DIAPH2: variants seen among roughly 807,000 people sequenced by gnomAD.
DIAPH2 encodes the protein protein diaphanous homolog 2.
DIAPH2 carries 35 observed loss-of-function variants against 92.7 expected under a neutral mutation model. The ratio of observed to expected loss-of-function variants is 0.38; its 90% CI spans 0.29 to 0.50. The LOEUF is 0.50. Among genes scored for constraint, DIAPH2 ranks in the 20% least tolerant of loss-of-function variants. The pLI, the probability that DIAPH2 is intolerant of heterozygous loss-of-function variation, is 0.94. For synonymous variants in DIAPH2, 301 were observed against 280.4 expected (o/e 1.07, Z -0.73); for missense variants, 701 against 819.5 (o/e 0.86, Z 1.77).
intron 22 of DIAPH2, among the ~76,000 whole-genome samples, chrX:97,165,984 T>G (rs1011858795): frequency 1.8e-5 from 2 of 111,232 alleles, no homozygotes; most frequent in African/African-American, 6.5e-5. Context: ...GTTTCCATAT[T>G]GCTTGGTCCC....
chrX:97,517,873 C>A (rs144442682), intron 26 of DIAPH2, among the ~76,000 whole-genome samples: 11 of 112,221 alleles, frequency 9.8e-5, no homozygotes, highest in Non-Finnish European at 1.9e-4. Flanking sequence ...CAAAGCCAAA[C>A]GCTGAGTTAA....
intron 4 of DIAPH2, among the ~76,000 whole-genome samples, chrX:96,815,232 C>T (rs1055603888): frequency 1.2e-4 from 14 of 112,133 alleles, no homozygotes; most frequent in African/African-American, 4.2e-4. Flanking sequence ...CTACTCAAGC[C>T]TCAGCAATGG....
intron 26 of DIAPH2, among the ~76,000 whole-genome samples, chrX:97,493,036 C>T (rs1333109822): frequency 9.0e-6 from 1 of 111,707 alleles, no homozygotes; most frequent in African/African-American, 3.2e-5. Context: ...TATTGGTCTG[C>T]TTGATGATGT....
chrX:97,176,984 C>G (rs1713435802), intron 22 of DIAPH2, among the ~76,000 whole-genome samples: 1 of 111,780 alleles, frequency 8.9e-6, no homozygotes, highest in African/African-American at 3.3e-5. Flanking sequence ...AATGTCAATA[C>G]TATGTAAAGA....
At chrX:97,007,526 G>T (rs1329617081) in intron 17 of DIAPH2, among the ~76,000 whole-genome samples, 1 of 110,125 alleles carries the variant, frequency 9.1e-6, no homozygotes, top group Non-Finnish European at 1.9e-5. Context: ...GAAGTGTGCT[G>T]CCCGATTTAT....
chrX:97,332,282 G>A (rs891547423), intron 23 of DIAPH2, among the ~76,000 whole-genome samples: 1 of 111,943 alleles, frequency 8.9e-6, no homozygotes, highest in Non-Finnish European at 1.9e-5. Flanking sequence ...TGTATCTGCT[G>A]TGAGGGATGT....
Position 96,829,638 on chromosome X carries a change from C to T in DIAPH2, c.448-51941C>T, listed in dbSNP as rs182812873. On this transcript the variant is annotated intron_variant, in intron 4 of 26. Coordinates refer to ENST00000324765, the MANE Select transcript of DIAPH2 (RefSeq NM_006729.5). ...CCTCCTGAATAAGTGGGATTGCAGGCGCCTGCCAAGATGCCCGGCTAATTT... is the reference window on the plus strand; with the variant it reads ...CCTCCTGAATAAGTGGGATTGCAGGTGCCTGCCAAGATGCCCGGCTAATTT... Among the ~76,000 whole-genome samples, 118 of 109,881 alleles carry T rather than the reference C, an allele frequency of 1.1e-3. 1 individual carries two copies. The highest frequency in any genetic ancestry group is 3.8e-3 in the African/African-American group (116 of 30,301).
chrX:97,469,823 T>C lies in DIAPH2; in HGVS notation c.3241+40078T>C, dbSNP rs906469440. The C allele has an allele frequency of 2.6e-6, 3 of 1,161,390 alleles. No homozygotes were observed. The African/African-American group carries it at 5.4e-5, about 21-fold the overall frequency. On this transcript the variant is annotated intron_variant, in intron 26 of 26. Transcript: ENST00000324765. Reference sequence around the variant, plus strand: ...AAGATAATCAAGTAGTAAAAGTTTCTAGTGGAAACATGATATTCATTTTGT... The same window carrying C: ...AAGATAATCAAGTAGTAAAAGTTTCCAGTGGAAACATGATATTCATTTTGT...
At chrX:96,966,804 G>A (rs2065896292) in intron 17 of DIAPH2, among the ~76,000 whole-genome samples, 1 of 111,638 alleles carries the variant, frequency 9.0e-6, no homozygotes, top group Admixed American at 9.5e-5. Flanking sequence ...AAAATGCTGT[G>A]TACATTTACA....
chrX:97,511,623 T>C (rs867646352), intron 26 of DIAPH2, among the ~76,000 whole-genome samples: 197 of 109,356 alleles, frequency 1.8e-3, no homozygotes, highest in African/African-American at 6.1e-3. Flanking sequence ...TTTGCCCATT[T>C]AGTATGATAT....
chrX:97,198,342 G>GTA (rs928250685), intron 22 of DIAPH2, among the ~76,000 whole-genome samples: 31 of 106,277 alleles, frequency 2.9e-4, no homozygotes, highest in African/African-American at 9.2e-4. Flanking sequence ...GCATATGTGT[G>GTA]TATATATATA....
intron 24 of DIAPH2, among the ~76,000 whole-genome samples, chrX:97,358,119 GCTTAGATGAGCAGTAA>G (rs2069286039): frequency 8.9e-6 from 1 of 112,087 alleles, no homozygotes; most frequent in Admixed American, 9.5e-5. Context: ...TCTGCCATAT[GCTTAGATGAGCAGTAA>G]CCAAGCTTCA....
chrX:97,381,412 A>T lies in DIAPH2; in HGVS notation c.3010-2497A>T, dbSNP rs182681564. On this transcript the variant is annotated intron_variant, in intron 24 of 26. Coordinates refer to ENST00000324765, the MANE Select transcript of DIAPH2 (RefSeq NM_006729.5). ...ACTGCCAGGTTTATGAAATGAAAAT[A>T]TAGGATTCCCAGTTGAAGCTGAATT... Among the ~76,000 whole-genome samples, 7 of 112,115 alleles carry T rather than the reference A, an allele frequency of 6.2e-5. No homozygotes were observed. In the East Asian group the frequency reaches 8.3e-4, roughly 13 times the overall value.
At chrX:97,485,441 A>G (rs2070680913) in intron 26 of DIAPH2, among the ~76,000 whole-genome samples, 1 of 112,379 alleles carries the variant, frequency 8.9e-6, no homozygotes, top group Non-Finnish European at 1.9e-5. Flanking sequence ...GCATTTATAA[A>G]CTAAATGCTA....
intron 23 of DIAPH2, among the ~76,000 whole-genome samples, chrX:97,333,740 GT>G (rs1289439616): frequency 9.1e-6 from 1 of 109,990 alleles, no homozygotes; most frequent in African/African-American, 3.3e-5. Context: ...AATTTTTGTA[GT>G]TTTAGTAGAG....
At chrX:97,558,455 G>A (rs1305357848) in intron 26 of DIAPH2, among the ~76,000 whole-genome samples, 2 of 111,770 alleles carry the variant, frequency 1.8e-5, no homozygotes, top group African/African-American at 3.3e-5. Flanking sequence ...AATTAAGTCC[G>A]TGTGGTTTTG....
intron 10 of DIAPH2, among the ~76,000 whole-genome samples, chrX:96,935,050 T>C (rs1205591925): frequency 9.0e-6 from 1 of 111,617 alleles, no homozygotes; most frequent in Non-Finnish European, 1.9e-5. Flanking sequence ...AATTACATAT[T>C]TCAGGAATTC....
intron 16 of DIAPH2, among the ~76,000 whole-genome samples, chrX:96,962,380 CACAT>C (rs1287425600): frequency 7.4e-4 from 19 of 25,725 alleles, no homozygotes; most frequent in African/African-American, 9.5e-4. Context: ...TATATATATA[CACAT>C]ATATATACAC....
chrX:96,884,552 G>C (rs2065244705), intron 5 of DIAPH2: 1 of 1,208,709 alleles, frequency 8.3e-7, no homozygotes, highest in Non-Finnish European at 1.1e-6. Flanking sequence ...GGGGTAATCA[G>C]AGGGGCAGAG....
Sources: allele counts gnomAD v4.1 joint callset (sites outside exome capture counted in the v4.1 genomes callset), GRCh38; gene constraint gnomAD v4.1.1; transcripts MANE v1.5; gene names NCBI Gene and HGNC (gene_info 2026-07-23, HGNC 2026-07-21).